Variants in TMEM108 observed in about 807,000 individuals in gnomAD.
TMEM108 encodes cancer/testis antigen 124.
Under a neutral mutation model 35.1 loss-of-function variants are expected in TMEM108, and 12 were observed. The observed-to-expected ratio is 0.34, with a 90% CI of 0.22 to 0.55. TMEM108 has a LOEUF of 0.55. TMEM108 is among the 20% of genes least tolerant of loss of function. TMEM108 has a pLI of 0.89. For synonymous variants in TMEM108, 287 were observed against 308.6 expected, an observed-to-expected ratio of 0.93 and a Z score of 0.73; for missense variants, 680 against 753.3, an observed-to-expected ratio of 0.90 and a Z score of 1.14.
rs899804096 is a variant in TMEM108 at position 133,378,459 on chromosome 3, A to G, written c.41-1293A>G. The G allele has an allele frequency of 4.1e-6, 4 of 985,376 alleles. No homozygotes were observed. In the African/African-American group the frequency reaches 7.0e-5, roughly 17 times the overall value. 61.0% of individuals were successfully genotyped at this position (985,376 alleles called of 1,614,324 possible). A position where few individuals can be genotyped will look rare whatever the true frequency, so the allele number is the denominator to read the frequency against. ...TCTGAGAGAGTAATTAGACGCAGAC[A>G]GAGATCTCTCTCCATAGTCAGAGGA... On this transcript the variant is annotated intron_variant, in intron 3 of 5. Coordinates refer to ENST00000321871, the MANE Select transcript of TMEM108 (RefSeq NM_023943.4).
intron 2 of TMEM108, among the ~76,000 whole-genome samples, chr3:133,096,519 T>G (rs1944017073): frequency 6.6e-6 from 1 of 152,168 alleles, no homozygotes; most frequent in Non-Finnish European, 1.5e-5. Context: ...CTCTACTAAT[T>G]GATCAGCACA....
intron 2 of TMEM108, among the ~76,000 whole-genome samples, chr3:133,147,000 T>C (rs912909320): frequency 2.0e-5 from 3 of 152,198 alleles, no homozygotes; most frequent in African/African-American, 4.8e-5. Flanking sequence ...TGTCTTCTGC[T>C]AGCATTTGAA....
At chr3:133,352,952 G>A (rs1006553565) in intron 3 of TMEM108, among the ~76,000 whole-genome samples, 6 of 152,138 alleles carry the variant, frequency 3.9e-5, no homozygotes, top group Non-Finnish European at 7.4e-5. Flanking sequence ...TAATCACTTG[G>A]TTGGTTCCCC....
intron 3 of TMEM108, among the ~76,000 whole-genome samples, chr3:133,297,365 A>G (rs531983959): frequency 5.9e-5 from 9 of 152,286 alleles, no homozygotes; most frequent in African/African-American, 2.2e-4. Flanking sequence ...GCTCAGAAAA[A>G]GAGACAGATT....
At chr3:133,373,387 TA>T (rs983575857) in intron 3 of TMEM108, among the ~76,000 whole-genome samples, 1 of 3,224 alleles carries the variant, frequency 3.1e-4, no homozygotes, top group Non-Finnish European at 6.2e-4. Flanking sequence ...AGATAGATGA[TA>T]GATAGATAGA....
At chr3:133,062,464 C>T (rs547687649) in intron 2 of TMEM108, among the ~76,000 whole-genome samples, 1 of 152,248 alleles carries the variant, frequency 6.6e-6, no homozygotes, top group East Asian at 1.9e-4. Context: ...TGGTTAGTGA[C>T]CTTGAATCTT....
chr3:133,232,591 A>T (rs1396485849), intron 3 of TMEM108, among the ~76,000 whole-genome samples: 1 of 152,252 alleles, frequency 6.6e-6, no homozygotes, highest in Non-Finnish European at 1.5e-5. Flanking sequence ...AGACCAAAAT[A>T]AAAAGATGTT....
At chr3:133,067,451 G>A (rs977362042) in intron 2 of TMEM108, among the ~76,000 whole-genome samples, 6 of 152,136 alleles carry the variant, frequency 3.9e-5, no homozygotes, top group African/African-American at 1.4e-4. Flanking sequence ...TGTCCCTGAA[G>A]TTTTCCTTCA....
chr3:133,184,887 A>G (rs1432762368), intron 2 of TMEM108, among the ~76,000 whole-genome samples: 1 of 152,266 alleles, frequency 6.6e-6, no homozygotes, highest in Admixed American at 6.5e-5. Context: ...ATGAAGGCTC[A>G]AAAGGAAAGT....
At chr3:133,147,281 T>G (rs964918603) in intron 2 of TMEM108, among the ~76,000 whole-genome samples, 1 of 152,226 alleles carries the variant, frequency 6.6e-6, no homozygotes, top group Non-Finnish European at 1.5e-5. Flanking sequence ...TGAGTGAGTT[T>G]CTTAATCCTG....
intron 2 of TMEM108, among the ~76,000 whole-genome samples, chr3:133,147,422 G>A (rs1225208364): frequency 6.6e-6 from 1 of 152,118 alleles, no homozygotes; most frequent in East Asian, 1.9e-4. Context: ...TTTAACAAAA[G>A]CCATTCTGAC....
rs115196819 is a variant in TMEM108, at chr3:133,085,753, T to C, written c.-47+39733T>C. ...TTGCTAGACTTCTTCTTTTTTGTAA[T>C]AATTACTTTTATTTTTTTTTCTTTC... is the stretch of plus-strand genomic sequence containing the variant. On this transcript the variant is annotated intron_variant, in intron 2 of 5. Transcript: ENST00000321871. Among the ~76,000 whole-genome samples, 1,270 of 150,104 alleles carry C rather than the reference T, an allele frequency of 8.5e-3. 9 individuals are homozygous for C. The highest frequency in any genetic ancestry group is 0.013 in the Non-Finnish European group (904 of 67,414).
chr3:133,252,203 TG>T (rs1429475800), intron 3 of TMEM108, among the ~76,000 whole-genome samples: 3 of 152,112 alleles, frequency 2.0e-5, no homozygotes, highest in Admixed American at 6.6e-5. Flanking sequence ...AAGAAAAACA[TG>T]ATTCATTTCA....
intron 3 of TMEM108, among the ~76,000 whole-genome samples, chr3:133,318,869 CA>C (rs1210917806): frequency 7.5e-6 from 1 of 132,582 alleles, no homozygotes; most frequent in African/African-American, 2.9e-5. Context: ...ACAGGAAAAC[CA>C]AAATAATTTC....
At chr3:133,305,534 A>G (rs1485993372) in intron 3 of TMEM108, among the ~76,000 whole-genome samples, 1 of 151,786 alleles carries the variant, frequency 6.6e-6, no homozygotes, top group African/African-American at 2.4e-5. Context: ...AAATAAATAA[A>G]TAAAAGAAAG....
intron 1 of TMEM108, among the ~76,000 whole-genome samples, chr3:133,039,259 G>A (rs181833421): frequency 4.8e-4 from 73 of 152,286 alleles, no homozygotes; most frequent in African/African-American, 1.7e-3. Context: ...AGAAGATAGG[G>A]GTTTTTTTCG....
At chr3:133,198,684 A>C (rs981476205) in intron 2 of TMEM108, among the ~76,000 whole-genome samples, 2 of 152,210 alleles carry the variant, frequency 1.3e-5, no homozygotes, top group African/African-American at 4.8e-5. Context: ...GTAAAGATTA[A>C]AATTAAGTGA....
intron 2 of TMEM108, among the ~76,000 whole-genome samples, chr3:133,201,513 A>G (rs576947683): frequency 7.0e-6 from 1 of 142,628 alleles, no homozygotes; most frequent in Admixed American, 7.4e-5. Flanking sequence ...ACATATTCTC[A>G]TAGTTCAACC....
intron 2 of TMEM108, among the ~76,000 whole-genome samples, chr3:133,181,008 T>TAAAAAAAA (rs369228472): frequency 0.028 from 2,141 of 75,658 alleles, 266 homozygotes; most frequent in East Asian, 0.066. Context: ...GCAGTTGTGT[T>TAAAAAAAA]AAAAAAAAAA....
Sources: allele counts gnomAD v4.1 joint callset (sites outside exome capture counted in the v4.1 genomes callset), GRCh38; gene constraint gnomAD v4.1.1; transcripts MANE v1.5; gene names NCBI Gene and HGNC (gene_info 2026-07-23, HGNC 2026-07-21).